Variants in MPPED2 observed in about 807,000 individuals in gnomAD.
The protein encoded by MPPED2 is metallophosphoesterase MPPED2.
In MPPED2, 5 loss-of-function variants were observed where a neutral mutation model predicts 33.0. That is an observed-to-expected ratio of 0.15 (90% CI 0.08 to 0.32). The LOEUF (loss-of-function observed/expected upper bound fraction) is 0.32. Ranked by LOEUF, MPPED2 falls within the 10% of genes least tolerant of loss-of-function variation. MPPED2 has a pLI of 1.00. For missense variants in MPPED2, 275 were observed against 372.1 expected (o/e 0.74, Z 2.15); for synonymous variants, 136 against 141.9 (o/e 0.96, Z 0.29).
rs145037197 is a variant in MPPED2, at chr11:30,401,717, A to T, written c.766+12511T>A. ...GTTTGAGACGGAGTCTCGCTCTGTC[A>T]CCCAGCACCCAGGCTGGAGTGCAGT... is the stretch of plus-strand genomic sequence containing the variant. On this transcript the variant is annotated intron_variant, in intron 6 of 6. Coordinates refer to the MPPED2 transcript ENST00000448418. Among the ~76,000 whole-genome samples the T allele has an allele frequency of 4.3e-3, 653 of 152,248 alleles. 6 individuals carry two copies. The highest frequency in any genetic ancestry group is 0.015 in the African/African-American group (615 of 41,560).
chr11:30,404,784 T>A (rs140607289), intron 6 of MPPED2, among the ~76,000 whole-genome samples: 1 of 152,254 alleles, frequency 6.6e-6, no homozygotes, highest in Non-Finnish European at 1.5e-5. Flanking sequence ...AAATGAAGCT[T>A]ACTAGCACAG....
At chr11:30,388,069 G>A (rs536440338) in exon 7 of MPPED2, 9 of 152,454 alleles carry the variant, frequency 5.9e-5, no homozygotes, top group East Asian at 3.9e-4. Flanking sequence ...GGCCCCCGTC[G>A]GCTGCCTGGG....
At chr11:30,512,162 A>T (rs574300869) in intron 3 of MPPED2, among the ~76,000 whole-genome samples, 1 of 152,320 alleles carries the variant, frequency 6.6e-6, no homozygotes, top group Admixed American at 6.5e-5. Flanking sequence ...TTGGGCTTCT[A>T]GAAGTCCTGA....
chr11:30,506,883 A>G (rs572311730), intron 3 of MPPED2, among the ~76,000 whole-genome samples: 24 of 152,364 alleles, frequency 1.6e-4, no homozygotes, highest in African/African-American at 5.8e-4. Flanking sequence ...GCAGGGCTGC[A>G]GAAACCAGAA....
chr11:30,567,484 T>A (rs1384727704), intron 2 of MPPED2, among the ~76,000 whole-genome samples: 1 of 152,118 alleles, frequency 6.6e-6, no homozygotes, highest in Non-Finnish European at 1.5e-5. Flanking sequence ...CCGAGAGCAA[T>A]CAGGGGGTGC....
intron 2 of MPPED2, among the ~76,000 whole-genome samples, chr11:30,554,734 A>G (rs1340106753): frequency 6.6e-6 from 1 of 152,060 alleles, no homozygotes; most frequent in African/African-American, 2.4e-5. Flanking sequence ...ACCTCAAATG[A>G]TCTGCCTACC....
chr11:30,432,021 A>T (rs1049226704), intron 4 of MPPED2, among the ~76,000 whole-genome samples: 1 of 152,116 alleles, frequency 6.6e-6, no homozygotes, highest in Non-Finnish European at 1.5e-5. Context: ...CTAAAAATAC[A>T]AAAACTGTGT....
chr11:30,581,952 G>A (rs539172533), intron 1 of MPPED2, among the ~76,000 whole-genome samples: 11 of 152,104 alleles, frequency 7.2e-5, no homozygotes, highest in East Asian at 1.9e-4. Context: ...TCTTTTAAGC[G>A]CCAGATGATA....
At chr11:30,582,814 A>G (rs1957228945) in intron 1 of MPPED2, among the ~76,000 whole-genome samples, 1 of 152,202 alleles carries the variant, frequency 6.6e-6, no homozygotes, top group African/African-American at 2.4e-5. Flanking sequence ...CAAATAGAAC[A>G]TCTTTTCATC....
chr11:30,489,588 G>C (rs1294492017), intron 4 of MPPED2, among the ~76,000 whole-genome samples: 4 of 152,176 alleles, frequency 2.6e-5, no homozygotes, highest in Admixed American at 2.6e-4. Context: ...CACTGCCTAG[G>C]CCTGATCTAA....
intron 2 of MPPED2, among the ~76,000 whole-genome samples, chr11:30,549,239 C>G (rs571195858): frequency 3.9e-5 from 6 of 152,268 alleles, no homozygotes; most frequent in African/African-American, 1.4e-4. Flanking sequence ...TCTTTCTGTA[C>G]CTGGTTATAT....
At chr11:30,401,933 G>A (rs970615596) in intron 6 of MPPED2, among the ~76,000 whole-genome samples, 1 of 151,322 alleles carries the variant, frequency 6.6e-6, no homozygotes, top group Non-Finnish European at 1.5e-5. Context: ...TCCTGACCTC[G>A]TGATCCGCCT....
Position 30,410,747 on chromosome 11 carries a change from G to T in MPPED2, c.*721C>A. 1 of 984,378 alleles carries T rather than the reference G, an allele frequency of 1.0e-6. No individual in the cohort carries two copies. Among genetic ancestry groups the T allele is most frequent in the Non-Finnish European group, 1.2e-6 (1 of 828,626 alleles). The allele number at this position is 984,378 out of a possible 1,614,324, so 61.0% of individuals were successfully genotyped here. On this transcript the variant is annotated 3_prime_UTR_variant, in exon 7 of 7. Transcript: ENST00000358117. ...ACCCATATTGAAAAGGAGTCTGCAT[G>T]TTCATTTTTTTAACCGTATGAAATA... is the stretch of plus-strand genomic sequence containing the variant.
chr11:30,439,810 A>G (rs1949485310), intron 4 of MPPED2, among the ~76,000 whole-genome samples: 1 of 152,258 alleles, frequency 6.6e-6, no homozygotes, highest in South Asian at 2.1e-4. Context: ...GGAGTTCAGT[A>G]TGGTAGCTAA....
chr11:30,434,851 A>T (rs1005572945), intron 4 of MPPED2, among the ~76,000 whole-genome samples: 18 of 149,950 alleles, frequency 1.2e-4, no homozygotes, highest in South Asian at 2.1e-4. Context: ...TAAAGTGCTA[A>T]TTTTTTTTTT....
chr11:30,411,651 G>A (rs1049699114), intron 6 of MPPED2, 65 bp from the exon 7 acceptor site: 3 of 1,425,546 alleles, frequency 2.1e-6, no homozygotes, highest in East Asian at 2.4e-5. Context: ...ATGTAGGGCT[G>A]TCAGGCAAGG....
intron 6 of MPPED2, among the ~76,000 whole-genome samples, chr11:30,395,753 A>G (rs1947832839): frequency 6.6e-6 from 1 of 152,162 alleles, no homozygotes; most frequent in African/African-American, 2.4e-5. Flanking sequence ...TTAATTTAAT[A>G]TAACTTATTC....
chr11:30,489,002 G>A (rs1030284415), intron 4 of MPPED2, among the ~76,000 whole-genome samples: 11 of 151,214 alleles, frequency 7.3e-5, no homozygotes, highest in African/African-American at 2.7e-4. Context: ...GGATTTTTCT[G>A]CTGAACAAGG....
intron 3 of MPPED2, among the ~76,000 whole-genome samples, chr11:30,499,107 C>T (rs1248359858): frequency 6.6e-6 from 1 of 152,148 alleles, no homozygotes; most frequent in Non-Finnish European, 1.5e-5. Context: ...AAAATTTGTC[C>T]AGGTTCCTCT....
Sources: allele counts gnomAD v4.1 joint callset (sites outside exome capture counted in the v4.1 genomes callset), GRCh38; gene constraint gnomAD v4.1.1; transcripts MANE v1.5; gene names NCBI Gene and HGNC (gene_info 2026-07-23, HGNC 2026-07-21).